Variants in KCNC2 observed in about 807,000 individuals in gnomAD.
The protein encoded by KCNC2 is potassium voltage-gated channel subfamily C member 2.
Under a neutral mutation model 44.5 loss-of-function variants are expected in KCNC2, and 21 were observed. That is an observed-to-expected ratio of 0.47 (90% CI 0.33 to 0.68). The LOEUF is 0.68. Among genes scored for constraint, KCNC2 ranks in the 30% least tolerant of loss-of-function variants. The pLI is 0.01. For missense variants in KCNC2, 589 were observed against 826.2 expected, an observed-to-expected ratio of 0.71 and a Z score of 3.52; for synonymous variants, 391 against 339.1, an observed-to-expected ratio of 1.15 and a Z score of -1.68.
chr12:75,040,878 G>A lies in KCNC2; in HGVS notation c.*2227C>T, dbSNP rs199649749. ...TGTGGGCCTTACTTGAAACTTCAGA[G>A]ATGTTGATCATGAATTTGGCTTCTT... is the stretch of plus-strand genomic sequence containing the variant. On this transcript the variant is annotated 3_prime_UTR_variant, in exon 5 of 5. Coordinates refer to ENST00000549446, the MANE Select transcript of KCNC2 (RefSeq NM_139137.4). 3.8e-6 allele frequency: 2 copies of A among 520,754 alleles called. No individual in the cohort carries two copies. The highest frequency in any genetic ancestry group is 6.9e-6 in the Non-Finnish European group (2 of 289,054). 32.3% of individuals were successfully genotyped at this position (520,754 alleles called of 1,614,324 possible).
intron 2 of KCNC2, among the ~76,000 whole-genome samples, chr12:75,069,127 A>ATTTTTTTT (rs1231157819): frequency 1.3e-3 from 43 of 33,866 alleles, no homozygotes; most frequent in African/African-American, 1.8e-3. Context: ...ATTTTATATA[A>ATTTTTTTT]TCTTTTTTTT....
At chr12:75,133,394 T>C (rs548490506) in intron 2 of KCNC2, among the ~76,000 whole-genome samples, 8 of 151,506 alleles carry the variant, frequency 5.3e-5, no homozygotes, top group Non-Finnish European at 1.2e-4. Context: ...CCCGTAAATA[T>C]ATAAAACTAT....
At position 75,207,516 on chromosome 12, in the gene KCNC2, G is replaced by A. The variant is rs764606357; in HGVS notation, c.468C>T (p.Tyr156=). 3.7e-6 allele frequency: 6 copies of A among 1,612,278 alleles called. No homozygotes were observed. The highest frequency in any genetic ancestry group is 1.7e-5 in the Admixed American group (1 of 59,994). ...TDVEPCCWMT[Y]RQHRDAEEAL... ...CCTCCTCGGCGTCGCGGTGCTGCCG[G>A]TAGGTCATCCAGCAGCAGGGCTCCA... The change falls in exon 2 of 5, where the codon TAC becomes TAT. Residue 156 remains tyrosine, a synonymous_variant. Coordinates refer to ENST00000549446, the MANE Select transcript of KCNC2 (RefSeq NM_139137.4). This position sits in a 1 kb window ranked among gnomAD's most constrained non-coding sequence, Gnocchi z 4.1.
At chr12:75,193,794 C>T (rs2030520152) in intron 2 of KCNC2, among the ~76,000 whole-genome samples, 1 of 152,148 alleles carries the variant, frequency 6.6e-6, no homozygotes, top group Non-Finnish European at 1.5e-5. Context: ...ATCCTGTGTT[C>T]TGCACAATCC....
chr12:75,062,118 A>T (rs959236267), intron 2 of KCNC2, among the ~76,000 whole-genome samples: 1 of 152,092 alleles, frequency 6.6e-6, no homozygotes, highest in African/African-American at 2.4e-5. Flanking sequence ...TTAACAACAT[A>T]TTACATAGTA....
intron 2 of KCNC2, among the ~76,000 whole-genome samples, chr12:75,169,604 A>T (rs996509077): frequency 6.6e-6 from 1 of 151,644 alleles, no homozygotes; most frequent in Non-Finnish European, 1.5e-5. Context: ...TGTCCTATGT[A>T]TTCTATTTTA....
intron 2 of KCNC2, among the ~76,000 whole-genome samples, chr12:75,071,252 C>T (rs564834253): frequency 1.8e-4 from 28 of 152,198 alleles, no homozygotes; most frequent in African/African-American, 4.8e-4. Flanking sequence ...GCATTAAAGA[C>T]GGCTTGGTAG....
At chr12:75,092,148 T>G (rs1456605873) in intron 2 of KCNC2, among the ~76,000 whole-genome samples, 4 of 151,636 alleles carry the variant, frequency 2.6e-5, no homozygotes, top group Non-Finnish European at 5.9e-5. Context: ...CATTTTATTT[T>G]CATCCCCTAT....
At position 75,143,870 on chromosome 12, in the gene KCNC2, T is replaced by A. The variant is rs1592960512; in HGVS notation, c.687+63427A>T. 2.6e-5 allele frequency among the ~76,000 whole-genome samples: 4 copies of A among 152,226 alleles called. 1 individual carries two copies. Among genetic ancestry groups the A allele is most frequent in the Admixed American group, 2.6e-4 (4 of 15,282 alleles). ...TATGTATAATTTGTTTGGATGGGAG[T>A]TTTAATTAGACATGTAAAACTAATT... On this transcript the variant is annotated intron_variant, in intron 2 of 4. Coordinates refer to ENST00000549446, the MANE Select transcript of KCNC2 (RefSeq NM_139137.4).
intron 2 of KCNC2, among the ~76,000 whole-genome samples, chr12:75,176,197 G>T (rs1892171888): frequency 1.3e-5 from 2 of 152,000 alleles, no homozygotes; most frequent in African/African-American, 4.8e-5. Context: ...TATTTCCTAT[G>T]GTTCCATCCT....
intron 2 of KCNC2, among the ~76,000 whole-genome samples, chr12:75,145,015 G>A (rs1364561423): frequency 1.3e-5 from 2 of 152,128 alleles, no homozygotes; most frequent in East Asian, 1.9e-4. Flanking sequence ...AATCCATTGA[G>A]GATATTTTAG....
At chr12:75,196,005 G>C (rs1295567160) in intron 2 of KCNC2, among the ~76,000 whole-genome samples, 1 of 151,998 alleles carries the variant, frequency 6.6e-6, no homozygotes, top group East Asian at 1.9e-4. Flanking sequence ...AACTATTTAG[G>C]CTCTTCCCAC....
At chr12:75,073,063 C>G (rs1883580845) in intron 2 of KCNC2, among the ~76,000 whole-genome samples, 1 of 152,094 alleles carries the variant, frequency 6.6e-6, no homozygotes, top group Admixed American at 6.5e-5. Context: ...AGAACTCATT[C>G]CCAGGCTTCA....
At chr12:75,069,151 T>TTTTTTTTTTG (rs869250638) in intron 2 of KCNC2, among the ~76,000 whole-genome samples, 1 of 142,670 alleles carries the variant, frequency 7.0e-6, no homozygotes, top group African/African-American at 2.6e-5. Context: ...TTTTTTTTTT[T>TTTTTTTTTTG]GAGACGGAAT....
intron 2 of KCNC2, among the ~76,000 whole-genome samples, chr12:75,055,615 G>A (rs1252392502): frequency 2.6e-5 from 4 of 152,064 alleles, no homozygotes; most frequent in Non-Finnish European, 4.4e-5. Flanking sequence ...CATCATCCCA[G>A]GTAGTTTCAG....
intron 2 of KCNC2, among the ~76,000 whole-genome samples, chr12:75,192,520 G>GT (rs2030382213): frequency 6.6e-6 from 1 of 152,212 alleles, no homozygotes; most frequent in South Asian, 2.1e-4. Flanking sequence ...TGTATTCTCA[G>GT]TGGGTAGATA....
At chr12:75,189,293 G>A (rs186721311) in intron 2 of KCNC2, among the ~76,000 whole-genome samples, 52 of 152,278 alleles carry the variant, frequency 3.4e-4, no homozygotes, top group Middle Eastern at 6.8e-3. Context: ...TTACCACCAT[G>A]GTCACGTTCT....
intron 2 of KCNC2, among the ~76,000 whole-genome samples, chr12:75,147,219 T>C (rs1890085728): frequency 6.6e-6 from 1 of 152,100 alleles, no homozygotes; most frequent in South Asian, 2.1e-4. Context: ...ATAAACAAAA[T>C]GTGTGCAAGG....
In KCNC2 at chr12:75,207,063, C is replaced by A. The variant is rs926598887; in HGVS notation, c.687+234G>T. ...GCCCTCTAGGTCCCATCTGCTAAAG[C>A]AAATCTGTTTGAGTTGGGAGAAGAG... On this transcript the variant is annotated intron_variant, in intron 2 of 4. Coordinates refer to ENST00000549446, the MANE Select transcript of KCNC2 (RefSeq NM_139137.4). This position sits in a 1 kb window ranked among gnomAD's most constrained non-coding sequence, Gnocchi z 4.1. Among the ~76,000 whole-genome samples the A allele has an allele frequency of 2.7e-4, 41 of 152,168 alleles. No individual in the cohort carries two copies. Among genetic ancestry groups the A allele is most frequent in the African/African-American group, 9.7e-4 (40 of 41,434 alleles).
Sources: gnomAD v4.1 joint callset for allele counts (sites outside exome capture counted in the v4.1 genomes callset) on GRCh38, gnomAD v4.1.1 for gene constraint, Gnocchi (gnomAD v3.1) non-coding constraint, MANE v1.5 for transcripts, NCBI Gene and HGNC (gene_info 2026-07-23, HGNC 2026-07-21) for gene names.